CXCL2: variants seen among roughly 807,000 people sequenced by gnomAD.
CXCL2 encodes C-X-C motif chemokine 2.
In CXCL2, 12 loss-of-function variants were observed where a neutral mutation model predicts 11.2. That is an observed-to-expected ratio of 1.08 (90% CI 0.69 to 1.74). CXCL2 has a LOEUF of 1.74. Among genes scored for constraint, CXCL2 ranks in the 40% most tolerant of loss-of-function variants. The probability of loss-of-function intolerance (pLI) is 0.00; values close to 1 mark genes in which losing one functional copy is unlikely to be tolerated. For synonymous variants in CXCL2, 68 were observed against 61.9 expected (o/e 1.10, Z -0.47); for missense variants, 120 against 137.8 (o/e 0.87, Z 0.65).
chr4:74,098,798 C>A lies in CXCL2; in HGVS notation c.224+1G>T. 1 of 1,614,028 alleles carries A rather than the reference C, an allele frequency of 6.2e-7. No homozygotes were observed. The highest frequency in any genetic ancestry group is 1.1e-5 in the South Asian group (1 of 91,062). On this transcript the variant is annotated splice_donor_variant, in intron 2 of 3. Transcript: ENST00000508487. LOFTEE classifies it high-confidence loss of function. ...CAGCGGCAGCGATGGGCGAGACTTA[C>A]ATGACTTCGGTTTGGGCGCAGTGGG... is the stretch of plus-strand genomic sequence containing the variant.
In CXCL2 at chr4:74,097,721, G is replaced by A; in HGVS notation, c.*35C>T. The stretch of plus-strand genomic sequence containing the variant: ...CCTGTAAGGGCAGGGCCTCCTTCAG[G>A]AACAGCCACCAATAAGCTTCCTCCT... On this transcript the variant is annotated 3_prime_UTR_variant, in exon 4 of 4. Transcript: ENST00000508487. 6.3e-7 allele frequency: 1 copy of A among 1,591,078 alleles called. No homozygotes were observed. The highest frequency in any genetic ancestry group is 1.1e-5 in the South Asian group (1 of 87,582).
chr4:74,097,967 G>A (rs1055229067), intron 3 of CXCL2, among the ~76,000 whole-genome samples, 196 bp from the exon 4 acceptor site: 1 of 152,188 alleles, frequency 6.6e-6, no homozygotes, highest in Non-Finnish European at 1.5e-5. Flanking sequence ...TTTTAGGAAT[G>A]GGGGTGACGT....
intron 1 of CXCL2, 41 bp from the exon 2 acceptor site, chr4:74,098,963 C>A (rs377663383): frequency 2.5e-6 from 4 of 1,594,624 alleles, no homozygotes; most frequent in Non-Finnish European, 3.4e-6. Flanking sequence ...GGGCTGTCGG[C>A]GCGGGGCGCC....
rs1721354545 is a variant in CXCL2 at position 74,099,141 on chromosome 4, A to G, written c.-21T>C. ...GCCATGGGGCTCAGCAGGCGGTTCG[A>G]GCGGCTGTGCGAGGAGGAGAGCTGG... On this transcript the variant is annotated 5_prime_UTR_variant, in exon 1 of 4. Coordinates refer to ENST00000508487, the MANE Select transcript of CXCL2 (RefSeq NM_002089.4). 2 of 1,476,522 alleles carry G rather than the reference A, an allele frequency of 1.4e-6. No homozygotes were observed. Among genetic ancestry groups the G allele is most frequent in the Non-Finnish European group, 1.8e-6 (2 of 1,116,962 alleles). The allele number at this position is 1,476,522 out of a possible 1,614,324, so 91.5% of individuals were successfully genotyped here.
At chr4:74,098,726 G>A (rs188944956) in intron 2 of CXCL2, 42 bp from the exon 3 acceptor site, 2 of 1,614,008 alleles carry the variant, frequency 1.2e-6, no homozygotes, top group Non-Finnish European at 1.7e-6. Flanking sequence ...AGGTCGGGCT[G>A]AGGACAGGGT....
At chr4:74,098,069 A>G (rs931875057) in intron 3 of CXCL2, among the ~76,000 whole-genome samples, 2 of 152,174 alleles carry the variant, frequency 1.3e-5, no homozygotes, top group African/African-American at 4.8e-5. Flanking sequence ...TTGAGCCTCA[A>G]AGCAACCTCA....
intron 2 of CXCL2, 37 bp from the exon 3 acceptor site, chr4:74,098,721 G>A (rs199752288): frequency 3.1e-6 from 5 of 1,613,940 alleles, no homozygotes; most frequent in Non-Finnish European, 4.2e-6. Context: ...ACAGGAGGTC[G>A]GGCTGAGGAC....
rs202120861 is a variant in CXCL2 at position 74,098,924 on chromosome 4, T to G, written c.101-2A>C. On this transcript the variant is annotated splice_acceptor_variant, in intron 1 of 3. Coordinates refer to ENST00000508487, the MANE Select transcript of CXCL2 (RefSeq NM_002089.4). LOFTEE classifies it high-confidence loss of function. ...GCAGTTCAGTGGCCAGGGGCGCTCC[T>G]AGGGAAGAAGAGACTCGCTGATTGA... The G allele has an allele frequency of 6.3e-5, 101 of 1,612,830 alleles. No individual in the cohort carries two copies. Among genetic ancestry groups the G allele is most frequent in the Non-Finnish European group, 6.3e-5 (74 of 1,179,636 alleles).
rs764546623 is a variant in CXCL2, at chr4:74,097,748, C to G, written c.*8G>C. 10 of 1,602,184 alleles carry G rather than the reference C, an allele frequency of 6.2e-6. No individual in the cohort carries two copies. The South Asian group carries it at 1.1e-4, about 18-fold the overall frequency. On this transcript the variant is annotated 3_prime_UTR_variant, in exon 4 of 4. Coordinates refer to ENST00000508487, the MANE Select transcript of CXCL2 (RefSeq NM_002089.4). ...ACAGCCACCAATAAGCTTCCTCCTT[C>G]CTTCTGGTCAGTTGGATTTGCCACT... is the stretch of plus-strand genomic sequence containing the variant.
chr4:74,098,430 T>C (rs775049160), intron 3 of CXCL2, 171 bp downstream of exon 3: 93 of 695,240 alleles, frequency 1.3e-4, no homozygotes, highest in Non-Finnish European at 2.1e-4. Flanking sequence ...ACTGGGAATA[T>C]CCTCTGGCAC....
At chr4:74,098,418 G>A in intron 3 of CXCL2, 183 bp downstream of exon 3, 1 of 629,516 alleles carries the variant, frequency 1.6e-6, no homozygotes, top group Non-Finnish European at 2.6e-6. Flanking sequence ...GTGACCCTGG[G>A]CACTGGGAAT....
chr4:74,098,596 C>T lies in CXCL2; in HGVS notation c.308+5G>A, dbSNP rs778838611. 2 of 1,613,890 alleles carry T rather than the reference C, an allele frequency of 1.2e-6. No homozygotes were observed. Among genetic ancestry groups the T allele is most frequent in the South Asian group, 2.2e-5 (2 of 91,060 alleles). On this transcript the variant is annotated splice_donor_5th_base_variant and intron_variant, in intron 3 of 3. Transcript: ENST00000508487. ...TCGCCTGTGTACATGGAAATTATAA[C>T]TTACTTTTTCAGCATCTTTTCGATG...
rs1454491846 is a variant in CXCL2, at chr4:74,098,605, T to C, written c.304A>G (p.Lys102Glu). ...MVKKIIEKMLKNGKSN is the reference protein window; with the variant it reads ...MVKKIIEKMLENGKSN ...TACATGGAAATTATAACTTACTTTT[T>C]CAGCATCTTTTCGATGATTTTCTTA... is the stretch of plus-strand genomic sequence containing the variant. The change falls in exon 3 of 4, where the codon AAA (lysine) becomes GAA (glutamate). Residue 102 changes from lysine to glutamate, a missense_variant. Coordinates refer to ENST00000508487, the MANE Select transcript of CXCL2 (RefSeq NM_002089.4). 1 of 1,614,100 alleles carries C rather than the reference T, an allele frequency of 6.2e-7. No homozygotes were observed. The highest frequency in any genetic ancestry group is 8.5e-7 in the Non-Finnish European group (1 of 1,179,958).
At chr4:74,098,436 G>T in intron 3 of CXCL2, 165 bp downstream of exon 3, 1 of 718,410 alleles carries the variant, frequency 1.4e-6, no homozygotes, top group Non-Finnish European at 2.2e-6. Flanking sequence ...AATATCCTCT[G>T]GCACCAGAAC....
At position 74,099,030 on chromosome 4, in the gene CXCL2, G is replaced by A; in HGVS notation, c.91C>T (p.Arg31Cys). The A allele has an allele frequency of 6.8e-7, 1 of 1,471,762 alleles. No homozygotes were observed. The highest frequency in any genetic ancestry group is 9.0e-7 in the Non-Finnish European group (1 of 1,114,886). 91.2% of individuals were successfully genotyped at this position (1,471,762 alleles called of 1,614,324 possible). Residue 31 changes from arginine to cysteine, a missense_variant, in exon 1 of 4, where the codon CGC becomes TGC. By Grantham distance (180) the Arg-to-Cys change is radical (BLOSUM62 -3). Coordinates refer to ENST00000508487, the MANE Select transcript of CXCL2 (RefSeq NM_002089.4). ...LLLLLVAASR[R>C]AAGAPLATEL... Reference sequence around the variant, plus strand: ...GGGCGCCGGGACCCACCTGCTGCGCGCCGGCTGGCGGCCACCAGGAGCAGG... The same window carrying A: ...GGGCGCCGGGACCCACCTGCTGCGCACCGGCTGGCGGCCACCAGGAGCAGG...
rs771936739 is a variant in CXCL2 at position 74,098,603 on chromosome 4, T to C, written c.306A>G (p.Lys102=). ...TGTACATGGAAATTATAACTTACTT[T>C]TTCAGCATCTTTTCGATGATTTTCT... ...MVKKIIEKML[K]NGKSN Residue 102 remains lysine, a splice_region_variant and synonymous_variant, in exon 3 of 4, where the codon AAA becomes AAG. Coordinates refer to ENST00000508487, the MANE Select transcript of CXCL2 (RefSeq NM_002089.4). 2 of 1,613,916 alleles carry C rather than the reference T, an allele frequency of 1.2e-6. No individual in the cohort carries two copies. Among genetic ancestry groups the C allele is most frequent in the East Asian group, 4.5e-5 (2 of 44,890 alleles).
At position 74,097,359 on chromosome 4, in the gene CXCL2, C is replaced by A. The variant is rs1721302039; in HGVS notation, c.*397G>T. The A allele has an allele frequency of 6.5e-6, 1 of 152,970 alleles. No homozygotes were observed. Among genetic ancestry groups the A allele is most frequent in the Non-Finnish European group, 1.5e-5 (1 of 68,558 alleles). The allele number at this position is 152,970 out of a possible 1,614,324, so 9.5% of individuals were successfully genotyped here. On this transcript the variant is annotated 3_prime_UTR_variant, in exon 4 of 4. Transcript: ENST00000508487. ...CTGGCCATTTTCTTGGATTCCTCAG[C>A]CTCTATCACAGTGGCTGACATGTGA...
intron 3 of CXCL2, among the ~76,000 whole-genome samples, 183 bp from the exon 4 acceptor site, chr4:74,097,954 C>T (rs980668092): frequency 6.6e-6 from 1 of 152,188 alleles, no homozygotes; most frequent in Non-Finnish European, 1.5e-5. Flanking sequence ...GCTTGGGATG[C>T]TCTTTTAGGA....
chr4:74,098,936 G>C lies in CXCL2; in HGVS notation c.101-14C>G, dbSNP rs201938440. 1.2e-6 allele frequency: 2 copies of C among 1,610,858 alleles called. No individual in the cohort carries two copies. Among genetic ancestry groups the C allele is most frequent in the Non-Finnish European group, 8.5e-7 (1 of 1,178,904 alleles). Reference sequence around the variant, plus strand: ...CCAGGGGCGCTCCTAGGGAAGAAGAGACTCGCTGATTGAGCGGGGCTGTCG... The same window carrying C: ...CCAGGGGCGCTCCTAGGGAAGAAGACACTCGCTGATTGAGCGGGGCTGTCG... On this transcript the variant is annotated splice_polypyrimidine_tract_variant and intron_variant, in intron 1 of 3. Coordinates refer to ENST00000508487, the MANE Select transcript of CXCL2 (RefSeq NM_002089.4).
Sources: allele counts gnomAD v4.1 joint callset (sites outside exome capture counted in the v4.1 genomes callset), GRCh38; gene constraint gnomAD v4.1.1; transcripts MANE v1.5; gene names NCBI Gene and HGNC (gene_info 2026-07-23, HGNC 2026-07-21).